PTPRN2: variants seen among roughly 807,000 people sequenced by gnomAD.
PTPRN2 encodes receptor-type tyrosine-protein phosphatase N2.
A neutral mutation model predicts 118.8 loss-of-function variants in PTPRN2; 74 were observed. The observed-to-expected ratio is 0.62, with a 90% CI of 0.52 to 0.76. The LOEUF is 0.76. PTPRN2 is among the 30% of genes least tolerant of loss of function. The pLI is 0.00. For synonymous variants in PTPRN2, 641 were observed against 608.0 expected (o/e 1.05, Z -0.80); for missense variants, 1,481 against 1,394.4 (o/e 1.06, Z -0.99).
intron 13 of PTPRN2, 128 bp downstream of exon 13, chr7:157,682,597 A>G: frequency 1.0e-6 from 1 of 992,710 alleles, no homozygotes; most frequent in East Asian, 2.4e-5. Context: ...AACTGTCCTC[A>G]TAAAAGACCC....
rs77919784 is a variant in PTPRN2, at chr7:157,621,281, C to T, written c.2344+81G>A. On this transcript the variant is annotated intron_variant, in intron 15 of 22. Coordinates refer to ENST00000389418, the MANE Select transcript of PTPRN2 (RefSeq NM_002847.5). Reference sequence around the variant, plus strand: ...GCCCGGAACCCTGGCCTCCTGCCCTCGGGCCTGGTATGTACAGGTCAGCAC... The same window carrying T: ...GCCCGGAACCCTGGCCTCCTGCCCTTGGGCCTGGTATGTACAGGTCAGCAC... The T allele has an allele frequency of 9.5e-5, 84 of 881,472 alleles. 1 individual carries two copies. The Middle Eastern group carries it at 1.7e-3, about 17-fold the overall frequency. 54.6% of individuals were successfully genotyped at this position (881,472 alleles called of 1,614,324 possible).
Position 157,855,114 on chromosome 7 carries a change from C to A in PTPRN2, c.1788+43559G>T, listed in dbSNP as rs189788231. Among the ~76,000 whole-genome samples, 99 of 147,238 alleles carry A rather than the reference C, an allele frequency of 6.7e-4. 2 individuals carry two copies. The East Asian group carries it at 0.02, about 29-fold the overall frequency. On this transcript the variant is annotated intron_variant, in intron 12 of 22. Transcript: ENST00000389418. The stretch of plus-strand genomic sequence containing the variant: ...TGCAGGGATGTGTGTGGGGCCGGAT[C>A]GGGGAGGATGGCTGCACGGTTGCAG...
In PTPRN2 at chr7:157,801,769, G is replaced by A. The variant is rs934535208; in HGVS notation, c.1788+96904C>T. 7.9e-5 allele frequency among the ~76,000 whole-genome samples: 12 copies of A among 152,308 alleles called. No individual in the cohort carries two copies. In the East Asian group the frequency reaches 1.9e-3, roughly 24 times the overall value. ...GAGGGTTCTGGGAAGGAAAACGCCC[G>A]CTTAGTGGAAGAACAGAACGGCCGC... On this transcript the variant is annotated intron_variant, in intron 12 of 22. Transcript: ENST00000389418. The surrounding 1 kb of genome is among the most constrained non-coding windows in gnomAD (Gnocchi z 4.2).
chr7:157,923,179 G>A (rs762562958), intron 11 of PTPRN2, among the ~76,000 whole-genome samples: 13 of 152,314 alleles, frequency 8.5e-5, no homozygotes, highest in Admixed American at 2.0e-4. Context: ...TAGAGACGCC[G>A]TTCCACTGGG....
At chr7:157,968,915 G>A (rs76630763) in intron 11 of PTPRN2, among the ~76,000 whole-genome samples, 7,832 of 152,252 alleles carry the variant, frequency 0.051, 279 homozygotes, top group South Asian at 0.15. Flanking sequence ...TCCCATGGGC[G>A]ATGGAAGTGA....
intron 2 of PTPRN2, among the ~76,000 whole-genome samples, chr7:158,340,046 C>A (rs1806357885): frequency 1.3e-5 from 1 of 78,914 alleles, no homozygotes; most frequent in Non-Finnish European, 2.7e-5. Flanking sequence ...ATGCAGACGT[C>A]ACTCACACCC....
intron 9 of PTPRN2, among the ~76,000 whole-genome samples, chr7:158,124,600 A>T (rs933904756): frequency 7.9e-5 from 12 of 152,210 alleles, no homozygotes; most frequent in African/African-American, 2.7e-4. Flanking sequence ...TGACAAAGAG[A>T]CTTGGGAAAG....
intron 11 of PTPRN2, among the ~76,000 whole-genome samples, chr7:157,959,451 C>A (rs905458305): frequency 6.6e-6 from 1 of 152,138 alleles, no homozygotes; most frequent in Non-Finnish European, 1.5e-5. Context: ...TGAGAGAAAA[C>A]ATTTGAAAAT....
rs561180095 is a variant in PTPRN2 at position 158,570,275 on chromosome 7, G to A, written c.112+17283C>T. Among the ~76,000 whole-genome samples, 12 of 152,358 alleles carry A rather than the reference G, an allele frequency of 7.9e-5. No homozygotes were observed. In the East Asian group the frequency reaches 2.3e-3, roughly 29 times the overall value. ...CCTCGGTCCTCGCCCTGAGCAGCGC[G>A]CCGGGGTATAAGGGACGCCCTCAGA... On this transcript the variant is annotated intron_variant, in intron 1 of 22. Coordinates refer to ENST00000389418, the MANE Select transcript of PTPRN2 (RefSeq NM_002847.5). The surrounding 1 kb of genome is among the most constrained non-coding windows in gnomAD (Gnocchi z 4.5).
chr7:157,590,033 T>C lies in PTPRN2; in HGVS notation c.2496+5205A>G, dbSNP rs1800898331. Reference sequence around the variant, plus strand: ...TGTGTTTTGAATGTCAGCACCCTTTTTGAATTTATGATTGCAGAAGGAACA... The same window carrying C: ...TGTGTTTTGAATGTCAGCACCCTTTCTGAATTTATGATTGCAGAAGGAACA... On this transcript the variant is annotated intron_variant, in intron 17 of 22. Coordinates refer to ENST00000389418, the MANE Select transcript of PTPRN2 (RefSeq NM_002847.5). The surrounding 1 kb of genome is among the most constrained non-coding windows in gnomAD (Gnocchi z 4.0). Among the ~76,000 whole-genome samples, 1 of 152,240 alleles carries C rather than the reference T, an allele frequency of 6.6e-6. No individual in the cohort carries two copies. Among genetic ancestry groups the C allele is most frequent in the Non-Finnish European group, 1.5e-5 (1 of 68,040 alleles).
At chr7:157,553,258 C>A (rs1323612820) in intron 21 of PTPRN2, among the ~76,000 whole-genome samples, 2 of 152,150 alleles carry the variant, frequency 1.3e-5, no homozygotes, top group African/African-American at 4.8e-5. Flanking sequence ...TTTTTTAAAA[C>A]GACTGTCAAC....
chr7:158,560,181 G>A (rs1827289006), intron 1 of PTPRN2, among the ~76,000 whole-genome samples: 1 of 152,264 alleles, frequency 6.6e-6, no homozygotes, highest in African/African-American at 2.4e-5. Flanking sequence ...AGTCCACCGT[G>A]TGGATGGATG....
chr7:158,274,783 C>G (rs1049838569), intron 3 of PTPRN2, among the ~76,000 whole-genome samples: 1 of 152,200 alleles, frequency 6.6e-6, no homozygotes, highest in Non-Finnish European at 1.5e-5. Context: ...ACACAGGGAG[C>G]CTGACTGCAG....
At chr7:157,675,662 G>A (rs1456942982) in intron 13 of PTPRN2, among the ~76,000 whole-genome samples, 1 of 152,206 alleles carries the variant, frequency 6.6e-6, no homozygotes, top group African/African-American at 2.4e-5. Flanking sequence ...GGAGGAGCAG[G>A]CAGGAATCCA....
intron 3 of PTPRN2, among the ~76,000 whole-genome samples, chr7:158,234,528 AC>A (rs1251907676): frequency 6.6e-6 from 1 of 151,794 alleles, no homozygotes; most frequent in Non-Finnish European, 1.5e-5. Context: ...TCAAATAAAA[AC>A]ATACAAATGG....
chr7:158,216,490 T>C (rs1364612311), intron 3 of PTPRN2, among the ~76,000 whole-genome samples: 3 of 151,958 alleles, frequency 2.0e-5, no homozygotes, highest in Non-Finnish European at 2.9e-5. Context: ...TAAAATGATA[T>C]AGGATGGTTG....
At chr7:158,147,568 C>A (rs1338780621) in intron 6 of PTPRN2, among the ~76,000 whole-genome samples, 995 of 101,348 alleles carry the variant, frequency 9.8e-3, no homozygotes, top group Middle Eastern at 0.035. Flanking sequence ...CTCACTGACA[C>A]CCCATCTCAC....
intron 2 of PTPRN2, among the ~76,000 whole-genome samples, chr7:158,361,074 C>T (rs867454223): frequency 7.7e-4 from 13 of 16,986 alleles, no homozygotes; most frequent in East Asian, 5.1e-3. Flanking sequence ...ACACCCAGGA[C>T]GACGCACAGA....
At position 158,335,276 on chromosome 7, in the gene PTPRN2, C is replaced by A. The variant is rs1463649896; in HGVS notation, c.164-18344G>T. Reference sequence around the variant, plus strand: ...TGACACCTGCAGACGTCACTCACACCCACACTGTCACCATAAGAGCTGAGG... The same window carrying A: ...TGACACCTGCAGACGTCACTCACACACACACTGTCACCATAAGAGCTGAGG... On this transcript the variant is annotated intron_variant, in intron 2 of 22. Transcript: ENST00000389418. Among the ~76,000 whole-genome samples the A allele has an allele frequency of 4.6e-4, 8 of 17,500 alleles. 3 individuals carry two copies. Among genetic ancestry groups the A allele is most frequent in the Non-Finnish European group, 9.8e-4 (6 of 6,102 alleles). 11.5% of individuals were successfully genotyped at this position (17,500 alleles called of 152,430 possible). A position where few individuals can be genotyped will look rare whatever the true frequency, so the allele number is the denominator to read the frequency against.
Sources: gnomAD v4.1 joint callset for allele counts (sites outside exome capture counted in the v4.1 genomes callset) on GRCh38, gnomAD v4.1.1 for gene constraint, Gnocchi (gnomAD v3.1) non-coding constraint, MANE v1.5 for transcripts, NCBI Gene and HGNC (gene_info 2026-07-23, HGNC 2026-07-21) for gene names.